Variants in TBC1D22A observed in about 807,000 individuals in gnomAD.
TBC1D22A encodes the protein putative GTPase activator.
A neutral mutation model predicts 60.2 loss-of-function variants in TBC1D22A; 38 were observed. That is an observed-to-expected ratio of 0.63 (90% CI 0.49 to 0.83). TBC1D22A has a LOEUF of 0.83. TBC1D22A is among the 40% of genes least tolerant of loss of function. The pLI, the probability that TBC1D22A is intolerant of heterozygous loss-of-function variation, is 0.00. For missense variants in TBC1D22A, 628 were observed against 701.0 expected (o/e 0.90, Z 1.18); for synonymous variants, 302 against 281.7 (o/e 1.07, Z -0.72).
At chr22:46,973,063 G>A (rs935256166) in intron 8 of TBC1D22A, among the ~76,000 whole-genome samples, 4 of 152,206 alleles carry the variant, frequency 2.6e-5, no homozygotes, top group Non-Finnish European at 5.9e-5. Flanking sequence ...AGAACCGTGG[G>A]AGGTGGCGTG....
chr22:47,071,413 G>A (rs764738371), intron 11 of TBC1D22A, among the ~76,000 whole-genome samples: 1 of 152,198 alleles, frequency 6.6e-6, no homozygotes, highest in South Asian at 2.1e-4. Flanking sequence ...CTTTTTGGTG[G>A]AAGTGCAGGC....
chr22:46,785,418 A>G (rs2084117156), intron 1 of TBC1D22A, among the ~76,000 whole-genome samples: 1 of 152,246 alleles, frequency 6.6e-6, no homozygotes, highest in South Asian at 2.1e-4. Flanking sequence ...TTAAAACATT[A>G]TAACATCTTC....
intron 4 of TBC1D22A, among the ~76,000 whole-genome samples, chr22:46,807,769 T>C (rs757246079): frequency 3.3e-5 from 5 of 152,198 alleles, no homozygotes; most frequent in Non-Finnish European, 5.9e-5. Context: ...TGCACACTGC[T>C]TTGCTTACTT....
chr22:47,047,089 T>G (rs965001451), intron 11 of TBC1D22A, among the ~76,000 whole-genome samples: 2 of 152,224 alleles, frequency 1.3e-5, no homozygotes, highest in Non-Finnish European at 2.9e-5. Context: ...GGGCTTGGTT[T>G]CGTTTGCTGT....
At chr22:47,081,997 A>C (rs1377356734) in intron 11 of TBC1D22A, among the ~76,000 whole-genome samples, 4 of 152,142 alleles carry the variant, frequency 2.6e-5, no homozygotes, top group Non-Finnish European at 5.9e-5. Context: ...GTCTCTACTA[A>C]AAATACAAAA....
In TBC1D22A at chr22:46,793,589, G is replaced by A. The variant is rs1253443796; in HGVS notation, c.208G>A (p.Asp70Asn). 9 of 1,613,932 alleles carry A rather than the reference G, an allele frequency of 5.6e-6. No homozygotes were observed. The highest frequency in any genetic ancestry group is 4.0e-5 in the African/African-American group (3 of 74,944). ...CCAGGAGTTTGAGAGCAATACCAGCGATGCCTGGGACGCTGGGGAGGACGA... is the reference window on the plus strand; with the variant it reads ...CCAGGAGTTTGAGAGCAATACCAGCAATGCCTGGGACGCTGGGGAGGACGA... ...TFQEFESNTS[D>N]AWDAGEDDDE... The change falls in exon 3 of 13, where the codon GAT becomes AAT. Residue 70 changes from aspartate (D) to asparagine (N), a missense_variant. Physicochemically the swap from Asp to Asn is conservative, Grantham distance 23. Transcript: ENST00000337137.
intron 8 of TBC1D22A, chr22:46,914,529 A>G (rs937510394): frequency 1.3e-5 from 2 of 152,002 alleles, no homozygotes; most frequent in African/African-American, 4.8e-5. Context: ...GGTTTGGGGA[A>G]TGTTCATTAG....
chr22:47,050,297 G>T (rs1009053975), intron 11 of TBC1D22A, among the ~76,000 whole-genome samples: 5 of 150,368 alleles, frequency 3.3e-5, no homozygotes, highest in Admixed American at 1.3e-4. Context: ...GAGCCACCGC[G>T]CCTGGCCGAG....
At chr22:46,935,223 G>T (rs2147910793) in intron 8 of TBC1D22A, among the ~76,000 whole-genome samples, 1 of 152,310 alleles carries the variant, frequency 6.6e-6, no homozygotes, top group South Asian at 2.1e-4. Context: ...TCCAACATTA[G>T]CACCTTCTCT....
rs569878882 is a variant in TBC1D22A at position 46,792,534 on chromosome 22, A to T, written c.77A>T (p.Tyr26Phe). 8.7e-6 allele frequency: 14 copies of T among 1,614,174 alleles called. No homozygotes were observed. In the South Asian group the frequency reaches 1.2e-4, roughly 14 times the overall value. Residue 26 changes from tyrosine (Y) to phenylalanine (F), a missense_variant, in exon 2 of 13, where the codon TAT becomes TTT. By Grantham distance (22) the Tyr-to-Phe change is conservative. Coordinates refer to ENST00000337137, the MANE Select transcript of TBC1D22A (RefSeq NM_014346.5). Reference sequence around the variant, plus strand: ...TTTTCCATCAGCATCCAGCACGTGTATGGTGCCCAGCACCCCCCCTTTGAT... The same window carrying T: ...TTTTCCATCAGCATCCAGCACGTGTTTGGTGCCCAGCACCCCCCCTTTGAT... ...SKLPGSIQHV[Y>F]GAQHPPFDPL...
intron 10 of TBC1D22A, among the ~76,000 whole-genome samples, chr22:47,003,290 G>C (rs999155950): frequency 6.6e-6 from 1 of 151,956 alleles, no homozygotes; most frequent in African/African-American, 2.4e-5. Context: ...TCAGACCCAG[G>C]CTTGAGCTCT....
intron 7 of TBC1D22A, among the ~76,000 whole-genome samples, chr22:46,904,474 A>ATTTTTTT (rs34401577): frequency 6.8e-6 from 1 of 146,978 alleles, no homozygotes; most frequent in African/African-American, 2.5e-5. Flanking sequence ...TGAAAAACGA[A>ATTTTTTT]TTTTTTTTTT....
chr22:46,897,127 A>G (rs564777899), intron 7 of TBC1D22A, among the ~76,000 whole-genome samples: 1 of 152,342 alleles, frequency 6.6e-6, no homozygotes, highest in South Asian at 2.1e-4. Context: ...CTTTGAACAA[A>G]GAATTGGACA....
chr22:47,159,194 C>T (rs566693539), intron 12 of TBC1D22A, among the ~76,000 whole-genome samples: 2 of 151,098 alleles, frequency 1.3e-5, no homozygotes, highest in Admixed American at 6.6e-5. Flanking sequence ...ACACACACCA[C>T]GCACACACAC....
intron 4 of TBC1D22A, among the ~76,000 whole-genome samples, chr22:46,827,207 A>G (rs2086107393): frequency 6.6e-6 from 1 of 152,164 alleles, no homozygotes; most frequent in Admixed American, 6.5e-5. Context: ...CTGCCTGTTC[A>G]GGTCAGGCTT....
intron 12 of TBC1D22A, among the ~76,000 whole-genome samples, chr22:47,124,432 G>C (rs1282748554): frequency 6.6e-6 from 1 of 152,210 alleles, no homozygotes; most frequent in Non-Finnish European, 1.5e-5. Flanking sequence ...AGGCCCTCGA[G>C]CCAGCCTAGG....
intron 4 of TBC1D22A, 56 bp from the exon 5 acceptor site, chr22:46,878,597 A>C: frequency 6.7e-6 from 10 of 1,485,774 alleles, no homozygotes; most frequent in Non-Finnish European, 7.5e-6. Context: ...AGCACTGGGG[A>C]GGTTTGCTAA....
chr22:46,814,545 C>A (rs1041635281), intron 4 of TBC1D22A, among the ~76,000 whole-genome samples: 2 of 152,092 alleles, frequency 1.3e-5, no homozygotes, highest in Non-Finnish European at 2.9e-5. Context: ...AAAAGCTGAT[C>A]TTCTTTGTCT....
chr22:47,084,450 C>A (rs146173624), intron 11 of TBC1D22A, among the ~76,000 whole-genome samples: 132 of 152,282 alleles, frequency 8.7e-4, no homozygotes, highest in African/African-American at 3.1e-3. Context: ...CCTGAGTGAT[C>A]TGCGGGGTCA....
Sources: gnomAD v4.1 joint callset for allele counts (sites outside exome capture counted in the v4.1 genomes callset) on GRCh38, gnomAD v4.1.1 for gene constraint, MANE v1.5 for transcripts, NCBI Gene and HGNC (gene_info 2026-07-23, HGNC 2026-07-21) for gene names.